SORBS2: variants seen among roughly 807,000 people sequenced by gnomAD.
The protein encoded by SORBS2 is sorbin and SH3 domain containing 2.
A neutral mutation model predicts 97.7 loss-of-function variants in SORBS2; 46 were observed. That is an observed-to-expected ratio of 0.47 (90% confidence interval 0.37 to 0.60). The LOEUF is 0.60. SORBS2 is among the 20% of genes least tolerant of loss of function. The pLI is 0.00. For synonymous variants in SORBS2, 476 were observed against 473.4 expected (o/e 1.01, Z -0.07); for missense variants, 1,316 against 1,282.3 (o/e 1.03, Z -0.40).
In SORBS2 at chr4:185,677,251, T is replaced by C. The variant is rs757904729; in HGVS notation, c.-46+1172A>G. 7.7e-6 allele frequency: 12 copies of C among 1,551,774 alleles called. No individual in the cohort carries two copies. In the South Asian group the frequency reaches 1.1e-4, roughly 14 times the overall value. On this transcript the variant is annotated intron_variant, in intron 4 of 20. Coordinates refer to the SORBS2 transcript ENST00000284776. ...GATTTGGAGAACTGTGGAGTACTAATGGGGCTGCTACTTCCTAGATCCTGG... is the reference window on the plus strand; with the variant it reads ...GATTTGGAGAACTGTGGAGTACTAACGGGGCTGCTACTTCCTAGATCCTGG...
chr4:185,923,386 G>C (rs2149931279), intron 1 of SORBS2, among the ~76,000 whole-genome samples: 1 of 152,000 alleles, frequency 6.6e-6, no homozygotes, highest in East Asian at 1.9e-4. Flanking sequence ...CACTGCTCCT[G>C]GGCTCAAGTG....
chr4:185,656,997 C>A, upstream of SORBS2: 2 of 1,022,570 alleles, frequency 2.0e-6, no homozygotes, highest in Non-Finnish European at 2.4e-6. Flanking sequence ...GGTGTTAACA[C>A]ACATCTATTT....
exon 15 of SORBS2, chr4:185,587,659 T>C (rs1437921067): frequency 6.2e-7 from 1 of 1,613,334 alleles, no homozygotes; most frequent in Non-Finnish European, 8.5e-7. Context: ...CCGGGGAAAG[T>C]ACCAAAGAAT....
intron 4 of SORBS2, among the ~76,000 whole-genome samples, chr4:185,635,763 T>A (rs917453802): frequency 2.0e-5 from 3 of 152,230 alleles, no homozygotes; most frequent in Admixed American, 6.5e-5. Flanking sequence ...CTGGTGAGTT[T>A]CCATGTGTGA....
chr4:185,621,937 T>C (rs115867064), intron 7 of SORBS2, among the ~76,000 whole-genome samples: 21 of 152,210 alleles, frequency 1.4e-4, no homozygotes, highest in African/African-American at 5.1e-4. Context: ...TATTAGATAA[T>C]GTATGTAAAG....
Position 185,872,499 on chromosome 4 carries a change from C to T in SORBS2, c.-338+83697G>A, listed in dbSNP as rs556238112. Among the ~76,000 whole-genome samples the T allele has an allele frequency of 5.9e-5, 9 of 152,208 alleles. No homozygotes were observed. The South Asian group carries it at 6.2e-4, about 11-fold the overall frequency. On this transcript the variant is annotated intron_variant, in intron 1 of 20. Transcript: ENST00000284776. ...GAATGCACTAAATATCAGTAAATGA[C>T]CAGTGATGATGACAACGAAGAATGA... is the stretch of plus-strand genomic sequence containing the variant.
intron 1 of SORBS2, among the ~76,000 whole-genome samples, chr4:185,873,591 G>A (rs569871384): frequency 2.0e-5 from 3 of 152,230 alleles, no homozygotes; most frequent in South Asian, 4.2e-4. Context: ...GCTAAGAGCT[G>A]ATCAAAAGGG....
chr4:185,760,163 T>C (rs925204175), intron 2 of SORBS2, among the ~76,000 whole-genome samples: 2 of 152,230 alleles, frequency 1.3e-5, no homozygotes, highest in African/African-American at 4.8e-5. Flanking sequence ...AACAACCATA[T>C]GTACTATGTT....
At chr4:185,601,227 A>G (rs1273154488) in intron 12 of SORBS2, among the ~76,000 whole-genome samples, 2 of 152,170 alleles carry the variant, frequency 1.3e-5, no homozygotes, top group East Asian at 1.9e-4. Context: ...CTCCACATCC[A>G]TTCTCTTCTT....
At position 185,695,427 on chromosome 4, in the gene SORBS2, A is replaced by T. The variant is rs548350054; in HGVS notation, c.-197-16605T>A. ...ACATTGCTACTGTTATTTTGAAATT[A>T]ACATATTCACAGTTCATATATTATT... On this transcript the variant is annotated intron_variant, in intron 2 of 20. Coordinates refer to the SORBS2 transcript ENST00000284776. 5.1e-4 allele frequency among the ~76,000 whole-genome samples: 77 copies of T among 152,324 alleles called. No homozygotes were observed. In the South Asian group the frequency reaches 0.015, roughly 29 times the overall value.
intron 1 of SORBS2, among the ~76,000 whole-genome samples, chr4:185,927,435 C>G (rs574259288): frequency 1.4e-4 from 21 of 151,662 alleles, no homozygotes; most frequent in African/African-American, 5.1e-4. Flanking sequence ...TCTCCCTCCC[C>G]TTGCCCCCCA....
intron 1 of SORBS2, among the ~76,000 whole-genome samples, chr4:185,848,000 C>T (rs2099215516): frequency 6.6e-6 from 1 of 152,068 alleles, no homozygotes; most frequent in Admixed American, 6.6e-5. Context: ...CTGAACTCTC[C>T]CAGAAATTTA....
intron 2 of SORBS2, among the ~76,000 whole-genome samples, chr4:185,750,331 T>A (rs572354659): frequency 6.6e-6 from 1 of 152,350 alleles, no homozygotes; most frequent in East Asian, 1.9e-4. Context: ...AATTTGCTCA[T>A]AATCCCGACA....
At chr4:185,645,012 T>C (rs2097184830) in intron 4 of SORBS2, among the ~76,000 whole-genome samples, 1 of 152,264 alleles carries the variant, frequency 6.6e-6, no homozygotes, top group South Asian at 2.1e-4. Context: ...AGAGAGTGTG[T>C]CCTGTTCCCC....
intron 1 of SORBS2, among the ~76,000 whole-genome samples, chr4:185,856,707 T>C (rs1159162726): frequency 2.0e-5 from 3 of 152,162 alleles, no homozygotes; most frequent in Non-Finnish European, 1.5e-5. Context: ...AGTATATTAG[T>C]TCATTCTCAG....
chr4:185,952,691 G>A (rs898580457), intron 1 of SORBS2, among the ~76,000 whole-genome samples: 8 of 152,162 alleles, frequency 5.3e-5, no homozygotes, highest in East Asian at 1.9e-4. Flanking sequence ...CATGTATGCC[G>A]ACAGCGTTAA....
chr4:185,712,824 T>C lies in SORBS2; in HGVS notation c.-197-34002A>G, dbSNP rs1385654619. Among the ~76,000 whole-genome samples, 3 of 152,262 alleles carry C rather than the reference T, an allele frequency of 2.0e-5. No individual in the cohort carries two copies. In the East Asian group the frequency reaches 5.8e-4, roughly 29 times the overall value. ...AGGCTGAGTAAATGAGGCACCCCCC[T>C]CGCAAGTGCCGTGAAGGGGTCAGGG... On this transcript the variant is annotated intron_variant, in intron 2 of 20. Transcript: ENST00000284776.
At position 185,794,875 on chromosome 4, in the gene SORBS2, G is replaced by C. The variant is rs576931953; in HGVS notation, c.-337-19509C>G. ...GGATATAACAGGACTGGTGCACCCA[G>C]ACCTCTGGCCTGGGGAGAAGCTGCT... is the stretch of plus-strand genomic sequence containing the variant. On this transcript the variant is annotated intron_variant, in intron 1 of 20. Coordinates refer to the SORBS2 transcript ENST00000284776. Among the ~76,000 whole-genome samples, 56 of 152,238 alleles carry C rather than the reference G, an allele frequency of 3.7e-4. 1 individual carries two copies. Among genetic ancestry groups the C allele is most frequent in the Non-Finnish European group, 6.6e-4 (45 of 68,010 alleles).
In SORBS2 at chr4:185,623,819, G is replaced by A. The variant is rs1561483370; in HGVS notation, c.1310C>T (p.Pro437Leu). 6.2e-7 allele frequency: 1 copy of A among 1,614,154 alleles called. No individual in the cohort carries two copies. The change falls in exon 7 of 15, where the codon CCC (proline) becomes CTC (leucine). Residue 437 changes from proline to leucine, a missense_variant. Coordinates refer to ENST00000418609, the Ensembl canonical transcript of SORBS2. This position sits in a 1 kb window ranked among gnomAD's most constrained non-coding sequence, Gnocchi z 6.4. ...ATTTTGCGGTGGTTCTAGGGTTACG[G>A]GAGACAGCATGTCATCCCCTAAATT...
Sources: allele counts gnomAD v4.1 joint callset (sites outside exome capture counted in the v4.1 genomes callset), GRCh38; gene constraint gnomAD v4.1.1; non-coding constraint Gnocchi (gnomAD v3.1); transcripts MANE v1.5; gene names NCBI Gene and HGNC (gene_info 2026-07-23, HGNC 2026-07-21).